Variants in TMEM132D observed in about 807,000 individuals in gnomAD.
TMEM132D encodes the protein transmembrane protein 132D.
In TMEM132D, 21 loss-of-function variants were observed where a neutral mutation model predicts 62.3. The ratio of observed to expected loss-of-function variants is 0.34; its 90% confidence interval spans 0.24 to 0.49. The LOEUF (loss-of-function observed/expected upper bound fraction) is 0.49, where lower values mean the gene tolerates loss of function less well. Among genes scored for constraint, TMEM132D ranks in the 20% least tolerant of loss-of-function variants. The pLI, the probability that TMEM132D is intolerant of heterozygous loss-of-function variation, is 0.99. For missense variants in TMEM132D, 1,346 were observed against 1,402.8 expected (o/e 0.96, Z 0.65); for synonymous variants, 621 against 575.6 (o/e 1.08, Z -1.13).
At chr12:129,811,800 T>C (rs2137316486) in intron 1 of TMEM132D, among the ~76,000 whole-genome samples, 1 of 151,374 alleles carries the variant, frequency 6.6e-6, no homozygotes, top group South Asian at 2.1e-4. Context: ...GGAATGTGGG[T>C]GACTTTTAGG....
At chr12:129,368,088 T>C (rs1870478076) in intron 3 of TMEM132D, among the ~76,000 whole-genome samples, 1 of 152,196 alleles carries the variant, frequency 6.6e-6, no homozygotes, top group Admixed American at 6.5e-5. Flanking sequence ...CCACAGAGCC[T>C]GGTCTCTTTT....
chr12:129,204,326 G>A (rs1210648594), intron 5 of TMEM132D, among the ~76,000 whole-genome samples: 1 of 152,158 alleles, frequency 6.6e-6, no homozygotes, highest in Admixed American at 6.5e-5. Flanking sequence ...TTATAAAAAA[G>A]AAGGAAGCTG....
chr12:129,412,277 C>A (rs948995195), intron 3 of TMEM132D, among the ~76,000 whole-genome samples: 1 of 152,104 alleles, frequency 6.6e-6, no homozygotes, highest in Non-Finnish European at 1.5e-5. Flanking sequence ...TTTGTTTATT[C>A]AGGAACCTTC....
chr12:129,490,026 G>A (rs1034379218), intron 3 of TMEM132D, among the ~76,000 whole-genome samples: 22 of 152,156 alleles, frequency 1.4e-4, no homozygotes, highest in Admixed American at 1.3e-3. Flanking sequence ...GGGTGAGGGC[G>A]CTCTTTATTA....
intron 1 of TMEM132D, among the ~76,000 whole-genome samples, chr12:129,757,321 C>CT (rs960185365): frequency 2.0e-5 from 3 of 152,060 alleles, no homozygotes; most frequent in Admixed American, 1.3e-4. Context: ...TATGAGATGT[C>CT]TTTTTTTCCC....
At chr12:129,621,620 A>G (rs1879070974) in intron 2 of TMEM132D, among the ~76,000 whole-genome samples, 1 of 152,186 alleles carries the variant, frequency 6.6e-6, no homozygotes, top group South Asian at 2.1e-4. Context: ...AGGAAGTGCT[A>G]GAGAGTGAGG....
At chr12:129,752,797 G>A (rs555238584) in intron 1 of TMEM132D, among the ~76,000 whole-genome samples, 3 of 152,290 alleles carry the variant, frequency 2.0e-5, no homozygotes, top group Non-Finnish European at 4.4e-5. Flanking sequence ...ATAAGCTTTT[G>A]TCATGGCTGG....
chr12:129,750,991 T>C (rs1869982585), intron 1 of TMEM132D, among the ~76,000 whole-genome samples: 3 of 152,332 alleles, frequency 2.0e-5, no homozygotes, highest in South Asian at 2.1e-4. Flanking sequence ...AGTATCACAT[T>C]TAAAATCTTT....
intron 5 of TMEM132D, among the ~76,000 whole-genome samples, chr12:129,136,768 TCATCAC>T (rs767882322): frequency 3.1e-4 from 30 of 97,288 alleles, no homozygotes; most frequent in Middle Eastern, 4.3e-3. Context: ...ATCATCACCA[TCATCAC>T]CATCACCATC....
In TMEM132D at chr12:129,197,829, C is replaced by T. The variant is rs535476701; in HGVS notation, c.1443+11691G>A. Among the ~76,000 whole-genome samples the T allele has an allele frequency of 3.3e-4, 50 of 152,176 alleles. No homozygotes were observed. The East Asian group carries it at 5.0e-3, about 15-fold the overall frequency. ...AAACATTTCTACACAGCAAAGGAAA[C>T]GATTAACAGTGTGAAGATATAACCC... On this transcript the variant is annotated intron_variant, in intron 5 of 8. Coordinates refer to ENST00000422113, the MANE Select transcript of TMEM132D (RefSeq NM_133448.3).
At chr12:129,253,264 C>G (rs1880318137) in intron 4 of TMEM132D, among the ~76,000 whole-genome samples, 1 of 151,242 alleles carries the variant, frequency 6.6e-6, no homozygotes, top group African/African-American at 2.4e-5. Context: ...TTCTACATTC[C>G]TCAGTATTGC....
intron 2 of TMEM132D, among the ~76,000 whole-genome samples, chr12:129,570,664 G>A (rs1009969338): frequency 6.6e-6 from 1 of 152,194 alleles, no homozygotes; most frequent in African/African-American, 2.4e-5. Flanking sequence ...TGGACTGGTG[G>A]TTAAAGACTG....
intron 4 of TMEM132D, among the ~76,000 whole-genome samples, chr12:129,328,029 G>C (rs532828585): frequency 2.0e-5 from 3 of 152,002 alleles, no homozygotes; most frequent in Non-Finnish European, 2.9e-5. Flanking sequence ...TTTGGGCTTC[G>C]GCACCCACTT....
rs181283910 is a variant in TMEM132D at position 129,450,549 on chromosome 12, C to A, written c.1115+80510G>T. Among the ~76,000 whole-genome samples, 3 of 152,044 alleles carry A rather than the reference C, an allele frequency of 2.0e-5. No individual in the cohort carries two copies. The South Asian group carries it at 6.2e-4, about 32-fold the overall frequency. ...TGAAATTTCAAGTAAGAGTAAAATG[C>A]ACTCTAGTTTCAAAAGAAAAAAACA... On this transcript the variant is annotated intron_variant, in intron 3 of 8. Transcript: ENST00000422113.
intron 1 of TMEM132D, among the ~76,000 whole-genome samples, chr12:129,750,776 AG>A (rs1230175920): frequency 6.6e-6 from 1 of 152,184 alleles, no homozygotes; most frequent in Admixed American, 6.5e-5. Flanking sequence ...GCGCCATAGT[AG>A]GGTGACTAGC....
intron 2 of TMEM132D, among the ~76,000 whole-genome samples, chr12:129,592,132 T>C (rs1014744886): frequency 6.6e-6 from 1 of 152,222 alleles, no homozygotes; most frequent in Admixed American, 6.5e-5. Context: ...TTATAAGACA[T>C]GTCTTAATTC....
At chr12:129,186,644 C>T (rs969018034) in intron 5 of TMEM132D, among the ~76,000 whole-genome samples, 1 of 152,180 alleles carries the variant, frequency 6.6e-6, no homozygotes, top group African/African-American at 2.4e-5. Flanking sequence ...CTTTGTGCCT[C>T]AGTTTCCTCA....
At chr12:129,786,279 G>T (rs923095285) in intron 1 of TMEM132D, among the ~76,000 whole-genome samples, 12 of 152,218 alleles carry the variant, frequency 7.9e-5, no homozygotes, top group Admixed American at 5.9e-4. Context: ...AGAAGCTCTG[G>T]TTCCTCTGTC....
intron 2 of TMEM132D, among the ~76,000 whole-genome samples, chr12:129,613,010 T>C (rs898382033): frequency 6.6e-6 from 1 of 152,218 alleles, no homozygotes; most frequent in African/African-American, 2.4e-5. Flanking sequence ...TATCCCTCAT[T>C]TCCTCTTGCA....
Sources: gnomAD v4.1 joint callset for allele counts (sites outside exome capture counted in the v4.1 genomes callset) on GRCh38, gnomAD v4.1.1 for gene constraint, MANE v1.5 for transcripts, NCBI Gene and HGNC (gene_info 2026-07-23, HGNC 2026-07-21) for gene names.